IL1RAPL2: variants seen among roughly 807,000 people sequenced by gnomAD.
IL1RAPL2 encodes X-linked interleukin-1 receptor accessory protein-like 2.
IL1RAPL2 carries 3 observed loss-of-function variants against 44.1 expected under a neutral mutation model. That is an observed-to-expected ratio of 0.07 (90% CI 0.03 to 0.18). The LOEUF (loss-of-function observed/expected upper bound fraction) is 0.18, where lower values mean the gene tolerates loss of function less well. Ranked by LOEUF, IL1RAPL2 falls within the 10% of genes least tolerant of loss-of-function variation. The pLI, the probability that IL1RAPL2 is intolerant of heterozygous loss-of-function variation, is 1.00. For synonymous variants in IL1RAPL2, 181 were observed against 178.8 expected (o/e 1.01, Z -0.10); for missense variants, 391 against 496.4 (o/e 0.79, Z 2.02).
intron 2 of IL1RAPL2, among the ~76,000 whole-genome samples, chrX:104,916,629 G>C (rs980933301): frequency 2.7e-5 from 3 of 111,473 alleles, no homozygotes; most frequent in Non-Finnish European, 3.8e-5. Context: ...GTGAGAGAGG[G>C]CATCCCTGTC....
chrX:104,713,444 T>G (rs924580691), intron 2 of IL1RAPL2, among the ~76,000 whole-genome samples: 6 of 110,993 alleles, frequency 5.4e-5, no homozygotes, highest in African/African-American at 2.0e-4. Context: ...CCCTTCCACC[T>G]TACTCTTGTT....
chrX:105,382,915 A>G (rs2035446433), intron 5 of IL1RAPL2, among the ~76,000 whole-genome samples: 1 of 96,255 alleles, frequency 1.0e-5, no homozygotes, highest in Non-Finnish European at 2.0e-5. Flanking sequence ...TGGGAATTGA[A>G]CAATGAGAAC....
intron 10 of IL1RAPL2, among the ~76,000 whole-genome samples, chrX:105,764,766 A>C (rs774890563): frequency 9.0e-6 from 1 of 111,363 alleles, no homozygotes; most frequent in East Asian, 2.8e-4. Context: ...TGTTTGTGCC[A>C]CTGCATTCCA....
intron 2 of IL1RAPL2, among the ~76,000 whole-genome samples, chrX:104,824,551 C>T: frequency 8.9e-6 from 1 of 111,809 alleles, no homozygotes; most frequent in Admixed American, 9.5e-5. Flanking sequence ...TTAATTACTG[C>T]CTGAATTTCA....
chrX:105,525,621 C>A (rs1411348260), intron 6 of IL1RAPL2, among the ~76,000 whole-genome samples: 1 of 111,254 alleles, frequency 9.0e-6, no homozygotes, highest in Non-Finnish European at 1.9e-5. Flanking sequence ...AGGATAATGA[C>A]TCATTTCACT....
At chrX:104,812,426 TATGGAGACC>T (rs755089740) in intron 2 of IL1RAPL2, among the ~76,000 whole-genome samples, 56 of 111,732 alleles carry the variant, frequency 5.0e-4, no homozygotes, top group Non-Finnish European at 9.0e-4. Flanking sequence ...TCATGATGTT[TATGGAGACC>T]ATGCTGTCAT....
At chrX:104,798,210 C>T (rs890319741) in intron 2 of IL1RAPL2, among the ~76,000 whole-genome samples, 2 of 111,536 alleles carry the variant, frequency 1.8e-5, no homozygotes, top group African/African-American at 6.5e-5. Context: ...TCAGCTAAGA[C>T]TCTAAGGCAT....
chrX:104,910,873 A>G (rs1208325422), intron 2 of IL1RAPL2, among the ~76,000 whole-genome samples: 3 of 111,737 alleles, frequency 2.7e-5, no homozygotes, highest in African/African-American at 9.8e-5. Context: ...GCAGCCTTCT[A>G]CTTCTAAGAC....
chrX:105,271,498 G>C (rs1404730217), intron 5 of IL1RAPL2, among the ~76,000 whole-genome samples: 2 of 111,458 alleles, frequency 1.8e-5, no homozygotes, highest in Non-Finnish European at 3.8e-5. Context: ...CAGGAGAGTT[G>C]GTTATAAGAA....
intron 2 of IL1RAPL2, among the ~76,000 whole-genome samples, chrX:105,121,036 C>A (rs1602964554): frequency 9.0e-6 from 1 of 111,412 alleles, no homozygotes; most frequent in Non-Finnish European, 1.9e-5. Flanking sequence ...GCATTAAGAC[C>A]CTTTCCCCTA....
At chrX:105,312,823 G>A (rs1387522618) in intron 5 of IL1RAPL2, among the ~76,000 whole-genome samples, 2 of 111,024 alleles carry the variant, frequency 1.8e-5, no homozygotes, top group African/African-American at 3.3e-5. Context: ...GAAACATCAT[G>A]TTGTACATGA....
intron 6 of IL1RAPL2, among the ~76,000 whole-genome samples, chrX:105,539,746 G>A (rs1034300590): frequency 9.0e-6 from 1 of 111,516 alleles, no homozygotes; most frequent in African/African-American, 3.3e-5. Context: ...TCTACACAAT[G>A]GGAGAAAATA....
At chrX:105,350,357 T>C (rs1421101510) in intron 5 of IL1RAPL2, among the ~76,000 whole-genome samples, 1 of 112,186 alleles carries the variant, frequency 8.9e-6, no homozygotes, top group Non-Finnish European at 1.9e-5. Context: ...TAGTCCTCAG[T>C]GGAAAGAGAA....
chrX:105,024,745 G>T (rs1302236913), intron 2 of IL1RAPL2, among the ~76,000 whole-genome samples: 2 of 111,455 alleles, frequency 1.8e-5, no homozygotes, highest in African/African-American at 6.5e-5. Flanking sequence ...TCTGGGAGAT[G>T]TGTTGGGCAG....
rs193146839 is a variant in IL1RAPL2 at position 105,095,906 on chromosome X, G to A, written c.83-99569G>A. Among the ~76,000 whole-genome samples the A allele has an allele frequency of 2.0e-4, 22 of 111,692 alleles. No homozygotes were observed. In the East Asian group the frequency reaches 3.7e-3, roughly 19 times the overall value. Reference sequence around the variant, plus strand: ...ACACTAGCAAGAAAATGAAAAGATCGCCCACAGAATGGGAGAAAATATTTA... The same window carrying A: ...ACACTAGCAAGAAAATGAAAAGATCACCCACAGAATGGGAGAAAATATTTA... On this transcript the variant is annotated intron_variant, in intron 2 of 10. Transcript: ENST00000372582.
rs73529913 is a variant in IL1RAPL2 at position 105,142,040 on chromosome X, G to A, written c.83-53435G>A. ...GAGAAATGACTGCTTTCATCATAGA[G>A]TTCATAAGTGGAAGAACAAATTCTC... On this transcript the variant is annotated intron_variant, in intron 2 of 10. Transcript: ENST00000372582. 2.8e-3 allele frequency among the ~76,000 whole-genome samples: 312 copies of A among 111,763 alleles called. 2 individuals are homozygous for A. The highest frequency in any genetic ancestry group is 9.6e-3 in the African/African-American group (296 of 30,819).
intron 2 of IL1RAPL2, among the ~76,000 whole-genome samples, chrX:104,676,718 C>T (rs1380990686): frequency 8.9e-6 from 1 of 111,979 alleles, no homozygotes; most frequent in Admixed American, 9.5e-5. Context: ...TCCATTCTCC[C>T]CGTCACTTTC....
chrX:105,407,320 G>A (rs189397243), intron 5 of IL1RAPL2, among the ~76,000 whole-genome samples: 7 of 110,636 alleles, frequency 6.3e-5, no homozygotes, highest in Admixed American at 3.9e-4. Flanking sequence ...GGGTTTACCT[G>A]GTTTTATGAC....
At chrX:104,645,160 T>G (rs1252067176) in intron 1 of IL1RAPL2, among the ~76,000 whole-genome samples, 1 of 111,689 alleles carries the variant, frequency 9.0e-6, no homozygotes, top group African/African-American at 3.3e-5. Context: ...ACTTTATCCT[T>G]CGCTACCTTC....
Sources: gnomAD v4.1 joint callset for allele counts (sites outside exome capture counted in the v4.1 genomes callset) on GRCh38, gnomAD v4.1.1 for gene constraint, MANE v1.5 for transcripts, NCBI Gene and HGNC (gene_info 2026-07-23, HGNC 2026-07-21) for gene names.